The following TRAPPC9 variants were observed in gnomAD, a reference collection of about 807,000 sequenced individuals.
The protein encoded by TRAPPC9 is trafficking protein particle complex subunit 9.
In TRAPPC9, 83 loss-of-function variants were observed where a neutral mutation model predicts 124.0. The ratio of observed to expected loss-of-function variants is 0.67; its 90% CI spans 0.56 to 0.80. TRAPPC9 has a LOEUF of 0.80. Ranked by LOEUF, TRAPPC9 falls within the 30% of genes least tolerant of loss-of-function variation. The pLI, the probability that TRAPPC9 is intolerant of heterozygous loss-of-function variation, is 0.00. For missense variants in TRAPPC9, 1,302 were observed against 1,508.3 expected, an observed-to-expected ratio of 0.86 and a Z score of 2.27; for synonymous variants, 638 against 617.5, an observed-to-expected ratio of 1.03 and a Z score of -0.49.
intron 9 of TRAPPC9, among the ~76,000 whole-genome samples, chr8:140,350,515 C>A (rs1392159486): frequency 6.6e-6 from 1 of 152,192 alleles, no homozygotes; most frequent in Non-Finnish European, 1.5e-5. Flanking sequence ...TTTCTTCACA[C>A]CTACTGTGTT....
At chr8:140,154,390 C>G (rs2061596200) in intron 17 of TRAPPC9, among the ~76,000 whole-genome samples, 2 of 152,200 alleles carry the variant, frequency 1.3e-5, no homozygotes, top group Admixed American at 1.3e-4. Context: ...CCCTCCGCCT[C>G]CACACTGGCC....
At chr8:139,761,018 T>C (rs970411079) in intron 21 of TRAPPC9, among the ~76,000 whole-genome samples, 8 of 152,230 alleles carry the variant, frequency 5.3e-5, no homozygotes, top group Non-Finnish European at 1.0e-4. Flanking sequence ...ACTTGGTTGC[T>C]TAGCCTCTTG....
chr8:139,846,327 G>A (rs748923198), intron 21 of TRAPPC9, among the ~76,000 whole-genome samples: 4 of 152,174 alleles, frequency 2.6e-5, no homozygotes, highest in African/African-American at 4.8e-5. Flanking sequence ...GCAGCACTGC[G>A]GGAGGGTGGG....
chr8:139,768,688 A>G (rs1820742360), intron 21 of TRAPPC9, among the ~76,000 whole-genome samples: 1 of 152,236 alleles, frequency 6.6e-6, no homozygotes, highest in Non-Finnish European at 1.5e-5. Context: ...CTAAACACAG[A>G]GCTCATAGCT....
chr8:139,853,000 C>T (rs920740415), intron 21 of TRAPPC9, among the ~76,000 whole-genome samples: 1 of 152,222 alleles, frequency 6.6e-6, no homozygotes, highest in African/African-American at 2.4e-5. Flanking sequence ...CGCTGCTGTT[C>T]GTCATTCGCA....
At chr8:140,245,547 G>A (rs2063964707) in intron 16 of TRAPPC9, among the ~76,000 whole-genome samples, 1 of 151,896 alleles carries the variant, frequency 6.6e-6, no homozygotes, top group African/African-American at 2.4e-5. Flanking sequence ...TAAATGTACG[G>A]GGTCAGCAGC....
intron 9 of TRAPPC9, among the ~76,000 whole-genome samples, chr8:140,335,576 C>T (rs2067012279): frequency 6.6e-6 from 1 of 151,964 alleles, no homozygotes. Context: ...ACAAATCCAG[C>T]CTTCATTGGG....
At chr8:139,754,967 C>A (rs375013638) in intron 21 of TRAPPC9, among the ~76,000 whole-genome samples, 1 of 152,260 alleles carries the variant, frequency 6.6e-6, no homozygotes, top group Non-Finnish European at 1.5e-5. Flanking sequence ...GTGCGGCACA[C>A]GGAGCTGTCA....
intron 17 of TRAPPC9, among the ~76,000 whole-genome samples, chr8:140,103,000 C>G (rs139348585): frequency 6.6e-6 from 1 of 152,138 alleles, no homozygotes; most frequent in Non-Finnish European, 1.5e-5. Context: ...CCTGAGCAAA[C>G]AAGCACCCAG....
intron 17 of TRAPPC9, among the ~76,000 whole-genome samples, chr8:140,038,159 G>A (rs1563711749): frequency 6.6e-6 from 1 of 151,966 alleles, no homozygotes; most frequent in Middle Eastern, 3.4e-3. Flanking sequence ...TTCATCATGT[G>A]AGGAACGGAG....
At chr8:139,889,102 T>G (rs1472292819) in intron 20 of TRAPPC9, among the ~76,000 whole-genome samples, 1 of 152,198 alleles carries the variant, frequency 6.6e-6, no homozygotes, top group Non-Finnish European at 1.5e-5. Context: ...CAAAATGGAA[T>G]GTTATTCGGC....
At chr8:140,124,730 C>CCTCCTAGGGGAGGACG (rs879415757) in intron 17 of TRAPPC9, among the ~76,000 whole-genome samples, 8,995 of 152,018 alleles carry the variant, frequency 0.059, 661 homozygotes, top group African/African-American at 0.17. Context: ...AGGGGAGGAC[C>CCTCCTAGGGGAGGACG]AAAATCACTC....
At chr8:140,001,313 A>C (rs150855726) in intron 18 of TRAPPC9, among the ~76,000 whole-genome samples, 3,432 of 152,096 alleles carry the variant, frequency 0.023, 117 homozygotes, top group African/African-American at 0.078. Context: ...GGGTGCAGCA[A>C]ACCAACATGG....
chr8:140,044,658 T>C (rs1841476193), intron 17 of TRAPPC9, among the ~76,000 whole-genome samples: 1 of 152,206 alleles, frequency 6.6e-6, no homozygotes, highest in African/African-American at 2.4e-5. Context: ...AATACATAAA[T>C]GACGAAAGCA....
At chr8:139,754,500 G>A (rs751146977) in intron 21 of TRAPPC9, among the ~76,000 whole-genome samples, 33 of 152,168 alleles carry the variant, frequency 2.2e-4, no homozygotes, top group Admixed American at 1.6e-3. Context: ...TGCCGTGACC[G>A]AGATCACAGA....
At chr8:140,456,891 G>A in intron 1 of TRAPPC9, 1 of 962,974 alleles carries the variant, frequency 1.0e-6, no homozygotes, top group Non-Finnish European at 1.2e-6. Flanking sequence ...GAAAACTTTC[G>A]GTTAACAGAC....
intron 17 of TRAPPC9, among the ~76,000 whole-genome samples, chr8:140,109,131 C>T (rs1238047851): frequency 6.6e-6 from 1 of 152,116 alleles, no homozygotes; most frequent in Non-Finnish European, 1.5e-5. Context: ...GAAAGTGATG[C>T]CTCACAAGCA....
chr8:140,446,832 T>C (rs2071277839), intron 2 of TRAPPC9, among the ~76,000 whole-genome samples: 1 of 152,134 alleles, frequency 6.6e-6, no homozygotes, highest in South Asian at 2.1e-4. Flanking sequence ...GCACCCAGCC[T>C]GGTGTGGGTT....
At chr8:140,007,511 A>G (rs1167872420) in intron 18 of TRAPPC9, among the ~76,000 whole-genome samples, 1 of 152,238 alleles carries the variant, frequency 6.6e-6, no homozygotes, top group African/African-American at 2.4e-5. Context: ...ATGCATCACC[A>G]TTTGGAAATT....
Sources: gnomAD v4.1 joint callset for allele counts (sites outside exome capture counted in the v4.1 genomes callset) on GRCh38, gnomAD v4.1.1 for gene constraint, MANE v1.5 for transcripts, NCBI Gene and HGNC (gene_info 2026-07-23, HGNC 2026-07-21) for gene names.